Variants in LMF1 observed in about 807,000 individuals in gnomAD.
LMF1 encodes the protein lipase maturation factor 1.
LMF1 carries 68 observed loss-of-function variants against 60.6 expected under a neutral mutation model. The observed-to-expected ratio is 1.12, with a 90% CI of 0.92 to 1.37. The LOEUF (loss-of-function observed/expected upper bound fraction) is 1.37. Ranked by LOEUF, LMF1 falls within the 40% of genes most tolerant of loss-of-function variation. The probability of loss-of-function intolerance (pLI) is 0.00; values close to 1 mark genes in which losing one functional copy is unlikely to be tolerated. For missense variants in LMF1, 948 were observed against 767.2 expected (o/e 1.24, Z -2.78); for synonymous variants, 418 against 324.7 (o/e 1.29, Z -3.09).
At chr16:932,861 ACACACGCTTCCTCACGTCTACTCGCTCC>A (rs2071831347) in intron 3 of LMF1, among the ~76,000 whole-genome samples, 1 of 150,618 alleles carries the variant, frequency 6.6e-6, no homozygotes, top group Non-Finnish European at 1.5e-5. Context: ...TCAGGTCACC[ACACACGCTTCCTCACGTCTACTCGCTCC>A]CACACGCGTG....
chr16:937,188 T>A (rs528157458), intron 2 of LMF1, among the ~76,000 whole-genome samples: 1 of 152,350 alleles, frequency 6.6e-6, no homozygotes, highest in African/African-American at 2.4e-5. Context: ...AATCTTTAAA[T>A]AGCAGGTTTT....
In LMF1 at chr16:893,071, C is replaced by T; in HGVS notation, c.665G>A (p.Gly222Asp). 1 of 1,553,958 alleles carries T rather than the reference C, an allele frequency of 6.4e-7. No individual in the cohort carries two copies. The highest frequency in any genetic ancestry group is 8.7e-7 in the Non-Finnish European group (1 of 1,148,938). Reference sequence around the variant, plus strand: ...CCGGTCCCCCCGGATCTTGATCAGGCCCTGCAAGGAAGAGAGCAGAGGGAG... The same window carrying T: ...CCGGTCCCCCCGGATCTTGATCAGGTCCTGCAAGGAAGAGAGCAGAGGGAG... ...WLIFRIMLGA[G>D]LIKIRGDRCW... Residue 222 changes from glycine (G) to aspartate (D), a missense_variant and splice_region_variant, in exon 5 of 11, where the codon GGC becomes GAC. Physicochemically the swap from Gly to Asp is moderately conservative, Grantham distance 94. Transcript: ENST00000262301.
At chr16:919,107 T>G (rs1321521384) in intron 3 of LMF1, among the ~76,000 whole-genome samples, 1 of 152,020 alleles carries the variant, frequency 6.6e-6, no homozygotes, top group African/African-American at 2.4e-5. Flanking sequence ...CAGAATCAGG[T>G]GTTCCCCTCA....
intron 1 of LMF1, among the ~76,000 whole-genome samples, chr16:966,180 C>T (rs2072918650): frequency 6.6e-6 from 1 of 152,182 alleles, no homozygotes; most frequent in Admixed American, 6.5e-5. Context: ...GGAAGAGATG[C>T]CTCACGTGGC....
chr16:948,369 G>A (rs67224312), intron 2 of LMF1, among the ~76,000 whole-genome samples: 67,398 of 143,702 alleles, frequency 0.47, 17,516 homozygotes, highest in African/African-American at 0.69. Context: ...CAGAGCCAAC[G>A]ACAGAGTCAG....
At position 954,439 on chromosome 16, in the gene LMF1, G is replaced by T; in HGVS notation, c.421C>A (p.Leu141Met). Reference sequence around the variant, plus strand: ...AGCATGTTGGCGCAGCCCGTGATCAGTACGAAAGACGAGATGCCCAGTCCG... The same window carrying T: ...AGCATGTTGGCGCAGCCCGTGATCATTACGAAAGACGAGATGCCCAGTCCG... The part of the protein sequence containing the change: ...LLGLGISSFV[L>M]ITGCANMLLM... Residue 141 changes from leucine to methionine, a missense_variant, in exon 2 of 11, where the codon CTG becomes ATG. Transcript: ENST00000262301. 1 of 1,613,030 alleles carries T rather than the reference G, an allele frequency of 6.2e-7. No homozygotes were observed. Among genetic ancestry groups the T allele is most frequent in the Non-Finnish European group, 8.5e-7 (1 of 1,179,654 alleles).
chr16:964,678 A>G (rs1597086910), intron 1 of LMF1, among the ~76,000 whole-genome samples: 2 of 152,224 alleles, frequency 1.3e-5, no homozygotes, highest in East Asian at 1.9e-4. Context: ...GGTTTCAAGT[A>G]TTCTTTTTGG....
intron 3 of LMF1, among the ~76,000 whole-genome samples, chr16:920,364 G>A (rs28729285): frequency 0.011 from 1,609 of 152,364 alleles, 31 homozygotes; most frequent in African/African-American, 0.037. Flanking sequence ...ACAGGAAAAC[G>A]TGCTTGCCAG....
intron 7 of LMF1, 106 bp downstream of exon 7, chr16:871,055 C>A: frequency 7.1e-7 from 1 of 1,411,072 alleles, no homozygotes; most frequent in Non-Finnish European, 9.4e-7. Flanking sequence ...ACGGCGCTGA[C>A]TCTCCTCCTA....
At chr16:859,925 CGGTGTGAGTGGTGTCACGGGATG>C (rs2069400474) in intron 10 of LMF1, among the ~76,000 whole-genome samples, 1 of 30,844 alleles carries the variant, frequency 3.2e-5, no homozygotes, top group Non-Finnish European at 5.9e-5. Flanking sequence ...GTCACGGGAT[CGGTGTGAGTGGTGTCACGGGATG>C]GGTGTGCAGT....
At chr16:893,300 T>C (rs1289827088) in intron 4 of LMF1, 25 of 629,798 alleles carry the variant, frequency 4.0e-5, no homozygotes, top group Non-Finnish European at 7.2e-5. Context: ...ACCGCGGGCG[T>C]GAGCAACAGT....
At chr16:932,924 C>A (rs1314853300) in intron 3 of LMF1, among the ~76,000 whole-genome samples, 1 of 151,314 alleles carries the variant, frequency 6.6e-6, no homozygotes, top group African/African-American at 2.5e-5. Flanking sequence ...GGCCTGGGGA[C>A]TCAGGCCGCC....
At chr16:930,524 G>A (rs1395407523) in intron 3 of LMF1, among the ~76,000 whole-genome samples, 1 of 152,172 alleles carries the variant, frequency 6.6e-6, no homozygotes, top group Non-Finnish European at 1.5e-5. Flanking sequence ...CTGCACTCCA[G>A]CCTGGGTGAC....
chr16:879,269 G>A (rs2070088813), intron 6 of LMF1, among the ~76,000 whole-genome samples: 1 of 152,178 alleles, frequency 6.6e-6, no homozygotes, highest in South Asian at 2.1e-4. Flanking sequence ...CAGGGCCTTG[G>A]CGTGCTGACC....
At chr16:893,437 A>C (rs1033050284) in intron 4 of LMF1, 4 of 459,784 alleles carry the variant, frequency 8.7e-6, no homozygotes, top group Non-Finnish European at 1.7e-5. Flanking sequence ...ACAGTGTCAG[A>C]GGGAAGCTTC....
At chr16:911,535 G>A (rs547631898) in intron 3 of LMF1, among the ~76,000 whole-genome samples, 16 of 105,148 alleles carry the variant, frequency 1.5e-4, no homozygotes, top group Admixed American at 8.0e-4. Flanking sequence ...GGCAGCACTG[G>A]GGGGGCAGCA....
At chr16:922,936 G>A (rs1337257526) in intron 3 of LMF1, among the ~76,000 whole-genome samples, 6 of 114,672 alleles carry the variant, frequency 5.2e-5, no homozygotes, top group African/African-American at 2.8e-4. Context: ...GTGTGATGTG[G>A]TGTTGGTGTC....
intron 8 of LMF1, 40 bp from the exon 9 acceptor site, chr16:870,106 C>T: frequency 6.3e-7 from 1 of 1,583,154 alleles, no homozygotes; most frequent in Non-Finnish European, 8.5e-7. Context: ...ACGTCACACA[C>T]CGGCTGGGCC....
At chr16:880,232 A>C (rs1235784635) in intron 5 of LMF1, among the ~76,000 whole-genome samples, 4 of 151,942 alleles carry the variant, frequency 2.6e-5, no homozygotes, top group African/African-American at 7.3e-5. Context: ...CCGGGTCCCG[A>C]GCCCAGCTCA....
Sources: gnomAD v4.1 joint callset for allele counts (sites outside exome capture counted in the v4.1 genomes callset) on GRCh38, gnomAD v4.1.1 for gene constraint, MANE v1.5 for transcripts, NCBI Gene and HGNC (gene_info 2026-07-23, HGNC 2026-07-21) for gene names.